Variants in RTKN2 observed in about 807,000 individuals in gnomAD.
RTKN2 encodes rhotekin-2.
A neutral mutation model predicts 71.5 loss-of-function variants in RTKN2; 69 were observed. That is an observed-to-expected ratio of 0.96 (90% confidence interval 0.79 to 1.18). RTKN2 has a LOEUF of 1.18. Ranked by LOEUF, RTKN2 falls within the 50% of genes most tolerant of loss-of-function variation. The pLI, the probability that RTKN2 is intolerant of heterozygous loss-of-function variation, is 0.00. For missense variants in RTKN2, 724 were observed against 719.7 expected (o/e 1.01, Z -0.07); for synonymous variants, 236 against 236.5 (o/e 1.00, Z 0.02).
intron 8 of RTKN2, among the ~76,000 whole-genome samples, chr10:62,186,284 CAG>C (rs1428733550): frequency 7.9e-5 from 12 of 152,156 alleles, no homozygotes; most frequent in African/African-American, 2.4e-4. Context: ...TTAATGCATT[CAG>C]AGAGTGAGAA....
intron 8 of RTKN2, among the ~76,000 whole-genome samples, chr10:62,184,782 C>T (rs903834227): frequency 3.9e-5 from 6 of 152,148 alleles, no homozygotes; most frequent in African/African-American, 7.2e-5. Context: ...TAACCCAAGT[C>T]GCTAATATTC....
Position 62,196,627 on chromosome 10 carries a change from A to G in RTKN2, c.*1281T>C, listed in dbSNP as rs34930209. The G allele has an allele frequency of 0.097, 95,743 of 984,094 alleles. 5,150 individuals are homozygous for G. Among genetic ancestry groups the G allele is most frequent in the South Asian group, 0.25 (5,393 of 21,244 alleles). The allele number at this position is 984,094 out of a possible 1,614,324, so 61.0% of individuals were successfully genotyped here. A position where few individuals can be genotyped will look rare whatever the true frequency, so the allele number is the denominator to read the frequency against. On this transcript the variant is annotated 3_prime_UTR_variant, in exon 12 of 12. Coordinates refer to ENST00000373789, the MANE Select transcript of RTKN2 (RefSeq NM_145307.4). ...TTGCTAGCTTTAAAAAGATCTCAAG[A>G]GATTATACACAGGGCAGCAATTTAA...
intron 6 of RTKN2, among the ~76,000 whole-genome samples, chr10:62,233,151 G>GT (rs1216665642): frequency 6.6e-6 from 1 of 152,164 alleles, no homozygotes; most frequent in Admixed American, 6.5e-5. Flanking sequence ...AGGGGAAAAT[G>GT]TAACTTTTCT....
chr10:62,244,748 A>G (rs541256863), intron 3 of RTKN2, among the ~76,000 whole-genome samples: 64 of 152,336 alleles, frequency 4.2e-4, no homozygotes, highest in African/African-American at 1.5e-3. Context: ...TTATAAAGAT[A>G]AAAACAAATA....
chr10:62,189,402 G>A (rs1302865033), downstream of RTKN2, among the ~76,000 whole-genome samples: 2 of 152,130 alleles, frequency 1.3e-5, no homozygotes, highest in Admixed American at 6.5e-5. Context: ...ACTCTGAAAG[G>A]CCATTCTAAC....
chr10:62,194,782 AT>A lies in RTKN2; in HGVS notation c.*3125del. On this transcript the variant is annotated 3_prime_UTR_variant, in exon 12 of 12. Transcript: ENST00000373789. ...ACCTACCTTACGTGAGGTATCTCTA[AT>A]TCAAGACAGCTTCCATTTTTAATAA... The A allele has an allele frequency of 1.0e-6, 1 of 985,340 alleles. No homozygotes were observed. Among genetic ancestry groups the A allele is most frequent in the Non-Finnish European group, 1.2e-6 (1 of 829,828 alleles). The allele number at this position is 985,340 out of a possible 1,614,324, so 61.0% of individuals were successfully genotyped here.
chr10:62,219,515 T>G (rs1158887034), intron 7 of RTKN2, among the ~76,000 whole-genome samples: 4 of 152,194 alleles, frequency 2.6e-5, no homozygotes, highest in Admixed American at 2.6e-4. Context: ...TGGTAATGTA[T>G]TAGTATTCAT....
intron 6 of RTKN2, 51 bp from the exon 7 acceptor site, chr10:62,223,383 T>C (rs557095997): frequency 1.1e-5 from 12 of 1,057,774 alleles, no homozygotes; most frequent in South Asian, 5.2e-5. Context: ...TTTCTACTAC[T>C]ACACAAAATA....
Position 62,217,129 on chromosome 10 carries a change from G to A in RTKN2, c.1009C>T (p.Pro337Ser). The change falls in exon 9 of 12, where the codon CCC (proline) becomes TCC (serine). Residue 337 changes from proline (P) to serine (S), a missense_variant. By Grantham distance (74) the Pro-to-Ser change is moderately conservative. Coordinates refer to ENST00000373789, the MANE Select transcript of RTKN2 (RefSeq NM_145307.4). ...EAKVEPALVV[P>S]INKETRIRAM... ...AGCATTTCCTTTACCTTGTTAATGG[G>A]TACTACCAAAGCTGGTTCCACTTTA... 6.4e-7 allele frequency: 1 copy of A among 1,570,972 alleles called. No individual in the cohort carries two copies. Among genetic ancestry groups the A allele is most frequent in the Non-Finnish European group, 8.6e-7 (1 of 1,162,840 alleles).
chr10:62,188,054 CT>C (rs1247980365), intron 8 of RTKN2, among the ~76,000 whole-genome samples: 6 of 152,294 alleles, frequency 3.9e-5, no homozygotes, highest in African/African-American at 1.4e-4. Flanking sequence ...TATTTTCATG[CT>C]TTTTAAGGTA....
chr10:62,195,902 A>T lies in RTKN2; in HGVS notation c.*2006T>A. The T allele has an allele frequency of 1.0e-6, 1 of 985,284 alleles. No homozygotes were observed. The highest frequency in any genetic ancestry group is 1.2e-6 in the Non-Finnish European group (1 of 829,838). The allele number at this position is 985,284 out of a possible 1,614,324, so 61.0% of individuals were successfully genotyped here. A position where few individuals can be genotyped will look rare whatever the true frequency, so the allele number is the denominator to read the frequency against. ...TTTCAAAGTTCTACTCTGAGGGCAC[A>T]ACTGCTAGGTAATTTCTGTATGAAT... On this transcript the variant is annotated 3_prime_UTR_variant, in exon 12 of 12. Coordinates refer to ENST00000373789, the MANE Select transcript of RTKN2 (RefSeq NM_145307.4).
At chr10:62,221,470 TA>T (rs902285507) in intron 7 of RTKN2, among the ~76,000 whole-genome samples, 3 of 151,624 alleles carry the variant, frequency 2.0e-5, no homozygotes, top group Non-Finnish European at 4.4e-5. Context: ...AAAGCTTCGG[TA>T]AAAAAAAGAT....
intron 3 of RTKN2, among the ~76,000 whole-genome samples, chr10:62,243,050 G>T (rs1168813400): frequency 6.6e-6 from 1 of 151,678 alleles, no homozygotes; most frequent in African/African-American, 2.4e-5. Flanking sequence ...TGTTACATAT[G>T]TATACATGTG....
At chr10:62,255,166 G>T (rs1274894361) in intron 2 of RTKN2, among the ~76,000 whole-genome samples, 2 of 151,998 alleles carry the variant, frequency 1.3e-5, no homozygotes, top group Non-Finnish European at 2.9e-5. Flanking sequence ...GCCTAAGTAG[G>T]TTTATTGTCA....
rs778687962 is a variant in RTKN2 at position 62,223,346 on chromosome 10, A to T, written c.687-14T>A. The T allele has an allele frequency of 3.4e-6, 5 of 1,456,552 alleles. No individual in the cohort carries two copies. In the South Asian group the frequency reaches 5.8e-5, roughly 17 times the overall value. The allele number at this position is 1,456,552 out of a possible 1,614,324, so 90.2% of individuals were successfully genotyped here. A position where few individuals can be genotyped will look rare whatever the true frequency, so the allele number is the denominator to read the frequency against. On this transcript the variant is annotated splice_polypyrimidine_tract_variant and intron_variant, in intron 6 of 11. Transcript: ENST00000373789. ...TACTTTACACCACTAATAGTAAGAA[A>T]GAAGACATGTTTTAAGTATTTTTGT...
Position 62,196,341 on chromosome 10 carries a change from C to T in RTKN2, c.*1567G>A, listed in dbSNP as rs4474332. 951,163 of 984,360 alleles carry T rather than the reference C, an allele frequency of 0.97. 459,575 individuals carry two copies. The highest frequency in any genetic ancestry group is 1 in the East Asian group (8,797 of 8,800). 61.0% of individuals were successfully genotyped at this position (984,360 alleles called of 1,614,324 possible). ...CATGCTATCAAGCAGGCATATAGTA[C>T]TTTCTTCTCACCAAAAACTCTGTCT... On this transcript the variant is annotated 3_prime_UTR_variant, in exon 12 of 12. Coordinates refer to ENST00000373789, the MANE Select transcript of RTKN2 (RefSeq NM_145307.4).
intron 2 of RTKN2, among the ~76,000 whole-genome samples, chr10:62,260,793 C>T (rs560577327): frequency 1.3e-5 from 2 of 152,266 alleles, no homozygotes; most frequent in African/African-American, 4.8e-5. Context: ...AATATGGAGG[C>T]AGATATGGTC....
intron 7 of RTKN2, among the ~76,000 whole-genome samples, chr10:62,219,457 T>C (rs1841857190): frequency 6.6e-6 from 1 of 152,176 alleles, no homozygotes; most frequent in South Asian, 2.1e-4. Flanking sequence ...TAAAGAACAT[T>C]ATTGTGACAA....
chr10:62,267,898 A>G (rs1470669989), intron 1 of RTKN2, among the ~76,000 whole-genome samples: 1 of 152,242 alleles, frequency 6.6e-6, no homozygotes, highest in Non-Finnish European at 1.5e-5. Flanking sequence ...GCTGCCAAGA[A>G]ATAATGTTGG....
Sources: allele counts gnomAD v4.1 joint callset (sites outside exome capture counted in the v4.1 genomes callset), GRCh38; gene constraint gnomAD v4.1.1; transcripts MANE v1.5; gene names NCBI Gene and HGNC (gene_info 2026-07-23, HGNC 2026-07-21).